Variants in RNASEH2C observed in about 807,000 individuals in gnomAD.
RNASEH2C encodes ribonuclease H2 subunit C.
In RNASEH2C, 20 loss-of-function variants were observed where a neutral mutation model predicts 16.3. That is an observed-to-expected ratio of 1.23 (90% CI 0.86 to 1.79). RNASEH2C has a LOEUF of 1.79. Among genes scored for constraint, RNASEH2C ranks in the 40% most tolerant of loss-of-function variants. The pLI, the probability that RNASEH2C is intolerant of heterozygous loss-of-function variation, is 0.00. For synonymous variants in RNASEH2C, 106 were observed against 98.9 expected (o/e 1.07, Z -0.43); for missense variants, 296 against 235.9 (o/e 1.25, Z -1.67).
chr11:65,720,113 GA>G lies in RNASEH2C; in HGVS notation c.399del (p.Leu134TrpfsTer15). 6.2e-7 allele frequency: 1 copy of G among 1,614,222 alleles called. No individual in the cohort carries two copies. The highest frequency in any genetic ancestry group is 1.1e-5 in the South Asian group (1 of 91,090). On this transcript the variant is annotated frameshift_variant, in exon 3 of 4. Coordinates refer to ENST00000308418, the MANE Select transcript of RNASEH2C (RefSeq NM_032193.4). LOFTEE classifies it high-confidence loss of function. Reference sequence around the variant, plus strand: ...GCATCCGGGCCAGGGATGGTCTCCAGACCCCACAGGGTGAAGCGGCTGAAGT... The same window carrying G: ...GCATCCGGGCCAGGGATGGTCTCCAGCCCCACAGGGTGAAGCGGCTGAAGT... ...TANFSRFTLWGLETIPGPDAK... is the reference protein window; with the variant it reads ...TANFSRFTLWXLETIPGPDAK...
chr11:65,720,202 T>C (rs1590972670), intron 2 of RNASEH2C, 38 bp from the exon 3 acceptor site: 1 of 1,614,140 alleles, frequency 6.2e-7, no homozygotes, highest in Non-Finnish European at 8.5e-7. Context: ...GGACTACAGC[T>C]CCCGCCCGCA....
chr11:65,719,892 T>C lies in RNASEH2C; in HGVS notation c.469-83A>G, dbSNP rs564586209. 3.1e-6 allele frequency: 5 copies of C among 1,606,022 alleles called. No homozygotes were observed. In the African/African-American group the frequency reaches 6.7e-5, roughly 21 times the overall value. ...CCATACCCGAGGAAGGACCCAGCTGTTCAGAATAACCGCTTCTAGACATGC... is the reference window on the plus strand; with the variant it reads ...CCATACCCGAGGAAGGACCCAGCTGCTCAGAATAACCGCTTCTAGACATGC... On this transcript the variant is annotated intron_variant, in intron 3 of 3. Transcript: ENST00000308418.
chr11:65,719,833 G>C, intron 3 of RNASEH2C, 24 bp from the exon 4 acceptor site: 1 of 1,614,038 alleles, frequency 6.2e-7, no homozygotes, highest in African/African-American at 1.3e-5. Context: ...CGCCTCTACT[G>C]TTGGACTTGT....
Position 65,719,774 on chromosome 11 carries a change from C to T in RNASEH2C, c.*9G>A, listed in dbSNP as rs780260172. On this transcript the variant is annotated 3_prime_UTR_variant, in exon 4 of 4. Coordinates refer to ENST00000308418, the MANE Select transcript of RNASEH2C (RefSeq NM_032193.4). ...AGGGATCGCAGCTTTGAATTTCAAG[C>T]TCTGGTTCTCAGTCCTCGGGCACCT... is the stretch of plus-strand genomic sequence containing the variant. 2.5e-6 allele frequency: 4 copies of T among 1,614,124 alleles called. No individual in the cohort carries two copies. Among genetic ancestry groups the T allele is most frequent in the Non-Finnish European group, 3.4e-6 (4 of 1,179,998 alleles).
At position 65,718,073 on chromosome 11, in the gene RNASEH2C, C is replaced by A. The variant is rs1276549973; in HGVS notation, c.*1710G>T. 6.5e-6 allele frequency: 1 copy of A among 154,204 alleles called. No homozygotes were observed. Among genetic ancestry groups the A allele is most frequent in the East Asian group, 1.9e-4 (1 of 5,218 alleles). The allele number at this position is 154,204 out of a possible 1,614,324, so 9.6% of individuals were successfully genotyped here. A position where few individuals can be genotyped will look rare whatever the true frequency, so the allele number is the denominator to read the frequency against. ...AATGGTCTCCCCGACTTAGGAAGCA[C>A]CTTGGTGCACCTTTTCTCCTTGCAT... On this transcript the variant is annotated 3_prime_UTR_variant, in exon 4 of 4. Coordinates refer to ENST00000308418, the MANE Select transcript of RNASEH2C (RefSeq NM_032193.4).
Position 65,719,409 on chromosome 11 carries a change from A to C in RNASEH2C, c.*374T>G, listed in dbSNP as rs533143132. 8.1e-5 allele frequency: 50 copies of C among 616,012 alleles called. No individual in the cohort carries two copies. In the South Asian group the frequency reaches 9.5e-4, roughly 12 times the overall value. The allele number at this position is 616,012 out of a possible 1,614,324, so 38.2% of individuals were successfully genotyped here. A position where few individuals can be genotyped will look rare whatever the true frequency, so the allele number is the denominator to read the frequency against. ...GGCCACAGGCCCAGGCCTCCTCTGA[A>C]GCAGGGACCAGAGGGAGCCAGGCAG... On this transcript the variant is annotated 3_prime_UTR_variant, in exon 4 of 4. Coordinates refer to ENST00000308418, the MANE Select transcript of RNASEH2C (RefSeq NM_032193.4).
Position 65,719,806 on chromosome 11 carries a change from G to A in RNASEH2C, c.472C>T (p.His158Tyr), listed in dbSNP as rs759118175. Residue 158 changes from histidine to tyrosine, a missense_variant, in exon 4 of 4, where the codon CAC (histidine) becomes TAC (tyrosine). His to Tyr is a moderately conservative substitution (Grantham distance 83). Coordinates refer to ENST00000308418, the MANE Select transcript of RNASEH2C (RefSeq NM_032193.4). ...LTWPSLAAAI[H>Y]AQVPED Reference sequence around the variant, plus strand: ...TCTCAGTCCTCGGGCACCTGTGCGTGAATCTGCAACAGGAGTCGCCTCTAC... The same window carrying A: ...TCTCAGTCCTCGGGCACCTGTGCGTAAATCTGCAACAGGAGTCGCCTCTAC... 3 of 1,614,150 alleles carry A rather than the reference G, an allele frequency of 1.9e-6. No individual in the cohort carries two copies. Among genetic ancestry groups the A allele is most frequent in the Admixed American group, 3.3e-5 (2 of 60,030 alleles).
chr11:65,718,615 G>A lies in RNASEH2C; in HGVS notation c.*1168C>T, dbSNP rs769267207. The A allele has an allele frequency of 3.1e-6, 5 of 1,614,206 alleles. No homozygotes were observed. The highest frequency in any genetic ancestry group is 4.2e-6 in the Non-Finnish European group (5 of 1,180,034). On this transcript the variant is annotated 3_prime_UTR_variant, in exon 4 of 4. Coordinates refer to ENST00000308418, the MANE Select transcript of RNASEH2C (RefSeq NM_032193.4). ...GCTATGAACTCTCCAAAGTGGAAGGGAAAACAGGGACCCCTGAGAAGCCCC... is the reference window on the plus strand; with the variant it reads ...GCTATGAACTCTCCAAAGTGGAAGGAAAAACAGGGACCCCTGAGAAGCCCC...
In RNASEH2C at chr11:65,717,904, T is replaced by A. The variant is rs1015997235; in HGVS notation, c.*1879A>T. ...ATCCCAGGTCCCTGACTGGGGAGAA[T>A]GAAGACACTGACCAAGAGATGTGAA... On this transcript the variant is annotated 3_prime_UTR_variant, in exon 4 of 4. Transcript: ENST00000308418. 1 of 152,462 alleles carries A rather than the reference T, an allele frequency of 6.6e-6. No individual in the cohort carries two copies. Among genetic ancestry groups the A allele is most frequent in the Non-Finnish European group, 1.5e-5 (1 of 68,336 alleles). 9.4% of individuals were successfully genotyped at this position (152,462 alleles called of 1,614,324 possible).
Position 65,720,314 on chromosome 11 carries a change from C to G in RNASEH2C, c.276G>C (p.Ser92=). The G allele has an allele frequency of 6.2e-7, 1 of 1,614,142 alleles. No homozygotes were observed. Among genetic ancestry groups the G allele is most frequent in the Non-Finnish European group, 8.5e-7 (1 of 1,180,048 alleles). Residue 92 remains serine (S), a synonymous_variant, in exon 2 of 4, where the codon TCG becomes TCC. Transcript: ENST00000308418. ...CCCGCAAGGGGTCTGGCTTCCCCAT[C>G]GACACCTTCTTCTCTTCTGTCACCA... The part of the protein sequence containing the change: ...YVMVTEEKKV[S]MGKPDPLRDS...
chr11:65,719,361 T>C lies in RNASEH2C; in HGVS notation c.*422A>G. Reference sequence around the variant, plus strand: ...CCCAGCACCAAGGCGAGCTCCGGGCTCAGACCAACTCCAAGGTCAGCTGGC... The same window carrying C: ...CCCAGCACCAAGGCGAGCTCCGGGCCCAGACCAACTCCAAGGTCAGCTGGC... On this transcript the variant is annotated 3_prime_UTR_variant, in exon 4 of 4. Transcript: ENST00000308418. 1.4e-6 allele frequency: 1 copy of C among 738,194 alleles called. No homozygotes were observed. Among genetic ancestry groups the C allele is most frequent in the Non-Finnish European group, 2.2e-6 (1 of 462,832 alleles). The allele number at this position is 738,194 out of a possible 1,614,324, so 45.7% of individuals were successfully genotyped here.
In RNASEH2C at chr11:65,718,550, T is replaced by C. The variant is rs1369956261; in HGVS notation, c.*1233A>G. The C allele has an allele frequency of 6.3e-7, 1 of 1,594,888 alleles. No homozygotes were observed. Among genetic ancestry groups the C allele is most frequent in the South Asian group, 1.1e-5 (1 of 89,980 alleles). Reference sequence around the variant, plus strand: ...TTTTTAAATGTTGCTTATGTTCATCTGTGACCTCTTACTCACCCTCTCCTG... The same window carrying C: ...TTTTTAAATGTTGCTTATGTTCATCCGTGACCTCTTACTCACCCTCTCCTG... On this transcript the variant is annotated 3_prime_UTR_variant, in exon 4 of 4. Coordinates refer to ENST00000308418, the MANE Select transcript of RNASEH2C (RefSeq NM_032193.4).
At position 65,718,509 on chromosome 11, in the gene RNASEH2C, G is replaced by C. The variant is rs1857283004; in HGVS notation, c.*1274C>G. 1 of 1,478,316 alleles carries C rather than the reference G, an allele frequency of 6.8e-7. No homozygotes were observed. Among genetic ancestry groups the C allele is most frequent in the Admixed American group, 1.9e-5 (1 of 54,006 alleles). 91.6% of individuals were successfully genotyped at this position (1,478,316 alleles called of 1,614,324 possible). On this transcript the variant is annotated 3_prime_UTR_variant, in exon 4 of 4. Coordinates refer to ENST00000308418, the MANE Select transcript of RNASEH2C (RefSeq NM_032193.4). Reference sequence around the variant, plus strand: ...GGCCATGATAGGAACTAGGCAGCCTGCCTTGGCAACCTGTGTTTTTAAATG... The same window carrying C: ...GGCCATGATAGGAACTAGGCAGCCTCCCTTGGCAACCTGTGTTTTTAAATG...
Position 65,718,573 on chromosome 11 carries a change from C to T in RNASEH2C, c.*1210G>A, listed in dbSNP as rs756711910. 8 of 1,611,060 alleles carry T rather than the reference C, an allele frequency of 5.0e-6. No individual in the cohort carries two copies. The highest frequency in any genetic ancestry group is 1.7e-5 in the Admixed American group (1 of 59,700). ...TCTGTGACCTCTTACTCACCCTCTC[C>T]TGCTCCATTGCTTTAGGCTATGAAC... On this transcript the variant is annotated 3_prime_UTR_variant, in exon 4 of 4. Coordinates refer to ENST00000308418, the MANE Select transcript of RNASEH2C (RefSeq NM_032193.4).
rs943188016 is a variant in RNASEH2C at position 65,719,742 on chromosome 11, G to A, written c.*41C>T. 2 of 1,610,078 alleles carry A rather than the reference G, an allele frequency of 1.2e-6. No individual in the cohort carries two copies. Among genetic ancestry groups the A allele is most frequent in the African/African-American group, 2.7e-5 (2 of 74,838 alleles). The stretch of plus-strand genomic sequence containing the variant: ...ATCGGTTCCAAAGAGCTGGTTTACT[G>A]CTGTGAAGGGATCGCAGCTTTGAAT... On this transcript the variant is annotated 3_prime_UTR_variant, in exon 4 of 4. Coordinates refer to ENST00000308418, the MANE Select transcript of RNASEH2C (RefSeq NM_032193.4).
Position 65,719,254 on chromosome 11 carries a change from G to T in RNASEH2C, c.*529C>A. ...GATAGCCCACCCCGCCCCCACTGCA[G>T]CTCCCACAAAGCACTCTAAGGGAGA... On this transcript the variant is annotated 3_prime_UTR_variant, in exon 4 of 4. Coordinates refer to ENST00000308418, the MANE Select transcript of RNASEH2C (RefSeq NM_032193.4). 4 of 1,548,926 alleles carry T rather than the reference G, an allele frequency of 2.6e-6. No homozygotes were observed. Among genetic ancestry groups the T allele is most frequent in the Non-Finnish European group, 3.5e-6 (4 of 1,138,000 alleles).
rs1857269862 is a variant in RNASEH2C, at chr11:65,718,215, C to G, written c.*1568G>C. ...TCAGGTCTGGATTAGAGACAGGAAT[C>G]TGTCTCCACTTCCTTACATGGCTAG... is the stretch of plus-strand genomic sequence containing the variant. On this transcript the variant is annotated 3_prime_UTR_variant, in exon 4 of 4. Coordinates refer to ENST00000308418, the MANE Select transcript of RNASEH2C (RefSeq NM_032193.4). The G allele has an allele frequency of 5.5e-6, 1 of 183,318 alleles. No individual in the cohort carries two copies. Among genetic ancestry groups the G allele is most frequent in the Non-Finnish European group, 1.2e-5 (1 of 86,552 alleles). The allele number at this position is 183,318 out of a possible 1,614,324, so 11.4% of individuals were successfully genotyped here.
rs888551320 is a variant in RNASEH2C, at chr11:65,718,413, G to A, written c.*1370C>T. ...CCACTGTGCTCAGCGCACGGAAAGA[G>A]TGAATACTCAGTTCTTCCTGAGGGA... On this transcript the variant is annotated 3_prime_UTR_variant, in exon 4 of 4. Transcript: ENST00000308418. The A allele has an allele frequency of 1.6e-5, 11 of 672,970 alleles. No homozygotes were observed. The highest frequency in any genetic ancestry group is 1.3e-4 in the African/African-American group (7 of 55,998). 41.7% of individuals were successfully genotyped at this position (672,970 alleles called of 1,614,324 possible).
Position 65,719,730 on chromosome 11 carries a change from A to T in RNASEH2C, c.*53T>A. 6.3e-7 allele frequency: 1 copy of T among 1,599,296 alleles called. No individual in the cohort carries two copies. ...TGGGGTGATGGAATCGGTTCCAAAGAGCTGGTTTACTGCTGTGAAGGGATC... is the reference window on the plus strand; with the variant it reads ...TGGGGTGATGGAATCGGTTCCAAAGTGCTGGTTTACTGCTGTGAAGGGATC... On this transcript the variant is annotated 3_prime_UTR_variant, in exon 4 of 4. Coordinates refer to ENST00000308418, the MANE Select transcript of RNASEH2C (RefSeq NM_032193.4).
Sources: gnomAD v4.1 joint callset for allele counts on GRCh38, gnomAD v4.1.1 for gene constraint, MANE v1.5 for transcripts, NCBI Gene and HGNC (gene_info 2026-07-23, HGNC 2026-07-21) for gene names.